DDX60: variants seen among roughly 807,000 people sequenced by gnomAD.
DDX60 encodes the protein DExD/H-box helicase 60.
In DDX60, 165 loss-of-function variants were observed where a neutral mutation model predicts 212.8. The ratio of observed to expected loss-of-function variants is 0.78; its 90% CI spans 0.68 to 0.88. The LOEUF (loss-of-function observed/expected upper bound fraction) is 0.88, where lower values mean the gene tolerates loss of function less well. Ranked by LOEUF, DDX60 falls within the 40% of genes least tolerant of loss-of-function variation. The pLI is 0.00. For synonymous variants in DDX60, 703 were observed against 685.3 expected (o/e 1.03, Z -0.40); for missense variants, 1,905 against 2,003.9 (o/e 0.95, Z 0.94).
chr4:168,251,197 A>G, intron 27 of DDX60, 91 bp from the exon 28 acceptor site: 1 of 1,280,686 alleles, frequency 7.8e-7, no homozygotes, highest in Non-Finnish European at 1.1e-6. Flanking sequence ...CTATGTAATA[A>G]TTTGGCTAAA....
At chr4:168,256,685 G>A (rs527842894) in intron 25 of DDX60, among the ~76,000 whole-genome samples, 1 of 152,228 alleles carries the variant, frequency 6.6e-6, no homozygotes, top group Admixed American at 6.5e-5. Flanking sequence ...GCTTTTTACA[G>A]GAGCACTGAA....
intron 6 of DDX60, among the ~76,000 whole-genome samples, chr4:168,300,582 G>GTGTA (rs755127716): frequency 1.4e-5 from 2 of 143,914 alleles, no homozygotes; most frequent in African/African-American, 5.2e-5. Flanking sequence ...ACACCAGAAT[G>GTGTA]TGTGTGTGTG....
At chr4:168,250,082 C>A (rs1022506522) in intron 28 of DDX60, among the ~76,000 whole-genome samples, 2 of 152,208 alleles carry the variant, frequency 1.3e-5, no homozygotes, top group African/African-American at 4.8e-5. Flanking sequence ...TCCCTGCGCA[C>A]TGTCATGGGA....
rs1247453693 is a variant in DDX60 at position 168,241,213 on chromosome 4, TA to T, written c.4165-3419del. The stretch of plus-strand genomic sequence containing the variant: ...AAGTCCATTAAAACTCTTTCTTTTG[TA>T]AATTTCCCACTCTTGGGTATGTCTT... On this transcript the variant is annotated intron_variant, in intron 30 of 37. Coordinates refer to ENST00000393743, the MANE Select transcript of DDX60 (RefSeq NM_017631.6). 2.6e-5 allele frequency among the ~76,000 whole-genome samples: 4 copies of T among 152,328 alleles called. No homozygotes were observed. In the East Asian group the frequency reaches 7.7e-4, roughly 29 times the overall value.
At chr4:168,292,534 A>G (rs1264025947) in intron 7 of DDX60, among the ~76,000 whole-genome samples, 2 of 152,198 alleles carry the variant, frequency 1.3e-5, no homozygotes, top group Non-Finnish European at 2.9e-5. Flanking sequence ...GCAACTAATA[A>G]AGTCGTAATT....
At chr4:168,297,632 C>T (rs1736462691) in intron 6 of DDX60, among the ~76,000 whole-genome samples, 1 of 152,078 alleles carries the variant, frequency 6.6e-6, no homozygotes, top group Non-Finnish European at 1.5e-5. Context: ...TTATCAAAAA[C>T]AAAACTGGGC....
At chr4:168,255,675 C>G (rs372533388) in intron 26 of DDX60, 36 bp downstream of exon 26, 1 of 1,520,592 alleles carries the variant, frequency 6.6e-7, no homozygotes. Flanking sequence ...AGTATTTTAA[C>G]CCTCTACTTA....
intron 33 of DDX60, among the ~76,000 whole-genome samples, chr4:168,227,428 T>G (rs1258746260): frequency 6.6e-6 from 1 of 152,096 alleles, no homozygotes; most frequent in East Asian, 1.9e-4. Flanking sequence ...TTTTCTTTTC[T>G]GATACTTGTG....
At chr4:168,302,210 G>T (rs1736675648) in intron 6 of DDX60, 90 bp downstream of exon 6, 1 of 493,836 alleles carries the variant, frequency 2.0e-6, no homozygotes, top group Non-Finnish European at 3.6e-6. Context: ...AGCTGGATGA[G>T]AAGTACATGA....
At chr4:168,251,314 T>G (rs1327088283) in intron 27 of DDX60, among the ~76,000 whole-genome samples, 1 of 152,250 alleles carries the variant, frequency 6.6e-6, no homozygotes, top group Non-Finnish European at 1.5e-5. Context: ...CATCTTAAAC[T>G]GTCTTACTCC....
chr4:168,267,731 G>C, intron 21 of DDX60, 40 bp from the exon 22 acceptor site: 1 of 1,535,598 alleles, frequency 6.5e-7, no homozygotes, highest in Non-Finnish European at 8.9e-7. Flanking sequence ...CAATGGAAAT[G>C]TAATCACTGA....
chr4:168,272,584 C>T lies in DDX60; in HGVS notation c.2575-446G>A, dbSNP rs1735151443. Among the ~76,000 whole-genome samples the T allele has an allele frequency of 2.0e-5, 3 of 152,290 alleles. No individual in the cohort carries two copies. The South Asian group carries it at 6.2e-4, about 32-fold the overall frequency. On this transcript the variant is annotated intron_variant, in intron 18 of 37. Transcript: ENST00000393743. ...ATGGAGCCTCAGCCAACCTAGCTCGCAGTTCTGGAGTAAGGACTGCTGTCA... is the reference window on the plus strand; with the variant it reads ...ATGGAGCCTCAGCCAACCTAGCTCGTAGTTCTGGAGTAAGGACTGCTGTCA...
Position 168,311,369 on chromosome 4 carries a change from C to CA in DDX60, c.-106-5dup, listed in dbSNP as rs1345882829. 6.1e-6 allele frequency: 7 copies of CA among 1,142,134 alleles called. No individual in the cohort carries two copies. Among genetic ancestry groups the CA allele is most frequent in the African/African-American group, 1.6e-5 (1 of 63,344 alleles). 70.7% of individuals were successfully genotyped at this position (1,142,134 alleles called of 1,614,324 possible). A position where few individuals can be genotyped will look rare whatever the true frequency, so the allele number is the denominator to read the frequency against. On this transcript the variant is annotated splice_region_variant and splice_polypyrimidine_tract_variant and intron_variant, in intron 1 of 37. Transcript: ENST00000393743. ...GTTCTTAATGAAAATGGCAGTCCTG[C>CA]AAAAAAAGAAAAGAAAATGAGTCTT... is the stretch of plus-strand genomic sequence containing the variant.
At chr4:168,305,998 G>A (rs1051388902) in intron 5 of DDX60, among the ~76,000 whole-genome samples, 2 of 152,104 alleles carry the variant, frequency 1.3e-5, no homozygotes, top group South Asian at 2.1e-4. Context: ...AGCAGTTAAG[G>A]ACACAGGGGC....
At chr4:168,273,217 A>T in intron 18 of DDX60, 62 bp downstream of exon 18, 1 of 1,473,558 alleles carries the variant, frequency 6.8e-7, no homozygotes. Flanking sequence ...ATTTCTAGTC[A>T]AAGAGACATA....
At chr4:168,311,886 A>G (rs1737149030) in intron 1 of DDX60, among the ~76,000 whole-genome samples, 1 of 152,198 alleles carries the variant, frequency 6.6e-6, no homozygotes, top group South Asian at 2.1e-4. Context: ...GATTTTAAGC[A>G]GGTGGTATTG....
At chr4:168,306,822 G>A in intron 4 of DDX60, 102 bp from the exon 5 acceptor site, 1 of 852,854 alleles carries the variant, frequency 1.2e-6, no homozygotes, top group Non-Finnish European at 1.8e-6. Context: ...AAATCCAACA[G>A]TTTTGTTCTG....
intron 26 of DDX60, among the ~76,000 whole-genome samples, chr4:168,253,340 TA>T (rs1185890419): frequency 1.3e-5 from 2 of 152,144 alleles, no homozygotes; most frequent in Non-Finnish European, 2.9e-5. Context: ...GGATGTAAGG[TA>T]GGCATTCTCC....
chr4:168,297,360 AAGAAAGAAAGAAAGAAAGAAAGAGAAAG>A, intron 6 of DDX60, among the ~76,000 whole-genome samples: 1 of 69,092 alleles, frequency 1.4e-5, no homozygotes, highest in Middle Eastern at 6.9e-3. Context: ...GAAAGAAAGA[AAGAAAGAAAGAAAGAAAGAAAGAGAAAG>A]AAAGAAAGAA....
Sources: allele counts gnomAD v4.1 joint callset (sites outside exome capture counted in the v4.1 genomes callset), GRCh38; gene constraint gnomAD v4.1.1; transcripts MANE v1.5; gene names NCBI Gene and HGNC (gene_info 2026-07-23, HGNC 2026-07-21).